Variants in GAS2L3 observed in about 807,000 individuals in gnomAD.
GAS2L3 encodes growth arrest specific 2 like 3.
A neutral mutation model predicts 37.0 loss-of-function variants in GAS2L3; 28 were observed. The ratio of observed to expected loss-of-function variants is 0.76; its 90% CI spans 0.56 to 1.04. GAS2L3 has a LOEUF of 1.04. Ranked by LOEUF, GAS2L3 falls within the 50% of genes least tolerant of loss-of-function variation. The pLI is 0.00. For missense variants in GAS2L3, 793 were observed against 817.6 expected, an observed-to-expected ratio of 0.97 and a Z score of 0.37; for synonymous variants, 290 against 296.6, an observed-to-expected ratio of 0.98 and a Z score of 0.23.
At chr12:100,589,910 C>T (rs985012094) in intron 1 of GAS2L3, among the ~76,000 whole-genome samples, 3 of 152,180 alleles carry the variant, frequency 2.0e-5, no homozygotes, top group Admixed American at 6.5e-5. Flanking sequence ...CAAAAATCAA[C>T]TCAAGATGGA....
At position 100,626,372 on chromosome 12, in the gene GAS2L3, T is replaced by C. The variant is rs1956332508; in HGVS notation, c.*1482T>C. ...AAGAGTACAGATAAAATCAAAGATGTGTGCAAGCTAGTTTTTGGAAGAAGT... is the reference window on the plus strand; with the variant it reads ...AAGAGTACAGATAAAATCAAAGATGCGTGCAAGCTAGTTTTTGGAAGAAGT... On this transcript the variant is annotated 3_prime_UTR_variant, in exon 10 of 10. Transcript: ENST00000547754. 1 of 152,236 alleles carries C rather than the reference T, an allele frequency of 6.6e-6. No individual in the cohort carries two copies. Among genetic ancestry groups the C allele is most frequent in the Non-Finnish European group, 1.5e-5 (1 of 68,026 alleles). 9.4% of individuals were successfully genotyped at this position (152,236 alleles called of 1,614,324 possible).
chr12:100,602,022 G>A (rs1295707758), intron 5 of GAS2L3, among the ~76,000 whole-genome samples: 1 of 152,104 alleles, frequency 6.6e-6, no homozygotes, highest in Non-Finnish European at 1.5e-5. Flanking sequence ...ATTTGTGAGA[G>A]TTCAATCAAA....
chr12:100,587,101 AAG>A (rs1201928546), intron 1 of GAS2L3, among the ~76,000 whole-genome samples: 1 of 152,194 alleles, frequency 6.6e-6, no homozygotes, highest in Admixed American at 6.5e-5. Flanking sequence ...ACCAACAAAA[AAG>A]AAGTCCAGGA....
chr12:100,623,883 A>G lies in GAS2L3; in HGVS notation c.1078A>G (p.Lys360Glu). ...PGALVPASSL[K>E]GGNLGSMSVR... ...TGCATTGGTGCCAGCATCTTCACTGAAAGGAGGTAATCTGGGCTCTATGTC... is the reference window on the plus strand; with the variant it reads ...TGCATTGGTGCCAGCATCTTCACTGGAAGGAGGTAATCTGGGCTCTATGTC... The change falls in exon 10 of 10, where the codon AAA becomes GAA. Residue 360 changes from lysine (K) to glutamate (E), a missense_variant. Transcript: ENST00000547754. 1 of 1,614,068 alleles carries G rather than the reference A, an allele frequency of 6.2e-7. No individual in the cohort carries two copies. Among genetic ancestry groups the G allele is most frequent in the Non-Finnish European group, 8.5e-7 (1 of 1,179,980 alleles).
intron 6 of GAS2L3, among the ~76,000 whole-genome samples, chr12:100,612,793 T>C (rs969449994): frequency 1.3e-5 from 2 of 152,084 alleles, no homozygotes; most frequent in African/African-American, 2.4e-5. Flanking sequence ...ATGTGATAAG[T>C]GCAGCAGTGT....
intron 5 of GAS2L3, among the ~76,000 whole-genome samples, chr12:100,607,267 G>A (rs1956068806): frequency 6.6e-6 from 1 of 152,126 alleles, no homozygotes; most frequent in South Asian, 2.1e-4. Context: ...TGGCCTGTAA[G>A]GTTTCCACTG....
chr12:100,583,749 A>G (rs1020316996), intron 1 of GAS2L3, among the ~76,000 whole-genome samples: 1 of 151,938 alleles, frequency 6.6e-6, no homozygotes. Flanking sequence ...GATTACAGGC[A>G]TTTGCCACCG....
intron 1 of GAS2L3, among the ~76,000 whole-genome samples, chr12:100,584,883 G>GTTT (rs34138123): frequency 2.2e-4 from 17 of 78,192 alleles, no homozygotes; most frequent in Non-Finnish European, 3.4e-4. Flanking sequence ...TACTTGAATG[G>GTTT]TTTTTTTTTT....
At chr12:100,595,826 A>G (rs1038107514) in intron 3 of GAS2L3, among the ~76,000 whole-genome samples, 1 of 152,014 alleles carries the variant, frequency 6.6e-6, no homozygotes, top group Non-Finnish European at 1.5e-5. Flanking sequence ...CTGCTAGAAT[A>G]TATATTGCCT....
rs1956343379 is a variant in GAS2L3 at position 100,627,480 on chromosome 12, G to T, written c.*2590G>T. The T allele has an allele frequency of 6.6e-6, 1 of 152,144 alleles. No homozygotes were observed. The highest frequency in any genetic ancestry group is 1.5e-5 in the Non-Finnish European group (1 of 68,048). The allele number at this position is 152,144 out of a possible 1,614,324, so 9.4% of individuals were successfully genotyped here. A position where few individuals can be genotyped will look rare whatever the true frequency, so the allele number is the denominator to read the frequency against. The stretch of plus-strand genomic sequence containing the variant: ...TCAGTAGAGATGGGGGTTTCACCAT[G>T]TCGGCCAGGCTGATCTCAAACTCCT... On this transcript the variant is annotated 3_prime_UTR_variant, in exon 10 of 10. Coordinates refer to ENST00000547754, the MANE Select transcript of GAS2L3 (RefSeq NM_174942.3).
At chr12:100,611,077 A>G (rs999509379) in intron 5 of GAS2L3, 1 of 150,380 alleles carries the variant, frequency 6.6e-6, no homozygotes, top group Non-Finnish European at 1.5e-5. Flanking sequence ...TCCTGGAACT[A>G]CTGGGCTCAA....
intron 3 of GAS2L3, among the ~76,000 whole-genome samples, chr12:100,599,728 C>G (rs1232269194): frequency 1.3e-5 from 2 of 152,196 alleles, no homozygotes; most frequent in African/African-American, 4.8e-5. Context: ...CCAGATGCTA[C>G]AAACATGTAT....
chr12:100,608,278 G>C (rs1194869147), intron 5 of GAS2L3, among the ~76,000 whole-genome samples: 1 of 152,054 alleles, frequency 6.6e-6, no homozygotes, highest in African/African-American at 2.4e-5. Flanking sequence ...CTGGGGATGG[G>C]GGGACACAAG....
chr12:100,616,044 A>G (rs1819623706), intron 6 of GAS2L3, among the ~76,000 whole-genome samples: 3 of 152,160 alleles, frequency 2.0e-5, no homozygotes. Context: ...TAATTTTGAT[A>G]AGGATTACAC....
rs568968694 is a variant in GAS2L3 at position 100,617,805 on chromosome 12, A to G, written c.507A>G (p.Ser169=). 7 of 1,572,788 alleles carry G rather than the reference A, an allele frequency of 4.5e-6. No homozygotes were observed. The East Asian group carries it at 1.1e-4, about 25-fold the overall frequency. The part of the protein sequence containing the change: ...LCLLEIGRIV[S]RYGVEPPVLV... ...TTCTTGAAATTGGTCGAATTGTGTC[A>G]AGGTATGTATTCCACAATATTTCAG... Residue 169 remains serine (S), a splice_region_variant and synonymous_variant, in exon 7 of 10, where the codon TCA becomes TCG. Coordinates refer to ENST00000547754, the MANE Select transcript of GAS2L3 (RefSeq NM_174942.3).
intron 3 of GAS2L3, among the ~76,000 whole-genome samples, chr12:100,599,874 T>A (rs891888218): frequency 6.6e-6 from 1 of 152,220 alleles, no homozygotes; most frequent in African/African-American, 2.4e-5. Context: ...GGCTCAATAG[T>A]AGAATCCATT....
chr12:100,574,361 A>G (rs1955609812), intron 1 of GAS2L3, among the ~76,000 whole-genome samples: 1 of 152,208 alleles, frequency 6.6e-6, no homozygotes, highest in Non-Finnish European at 1.5e-5. Context: ...TGCAGGGTCT[A>G]GAACGCCCAC....
chr12:100,624,943 A>G lies in GAS2L3; in HGVS notation c.*53A>G. 1.7e-5 allele frequency: 23 copies of G among 1,354,928 alleles called. No homozygotes were observed. Among genetic ancestry groups the G allele is most frequent in the Non-Finnish European group, 2.2e-5 (22 of 986,600 alleles). 83.9% of individuals were successfully genotyped at this position (1,354,928 alleles called of 1,614,324 possible). On this transcript the variant is annotated 3_prime_UTR_variant, in exon 10 of 10. Coordinates refer to ENST00000547754, the MANE Select transcript of GAS2L3 (RefSeq NM_174942.3). ...AAGGAAGAATGAATGTGTTAGCTTC[A>G]CATCTTAAAAGTTTCTCCTATTTGT...
At position 100,600,379 on chromosome 12, in the gene GAS2L3, TAGG is replaced by T. The variant is rs1330030560; in HGVS notation, c.19-2_19del. On this transcript the variant is annotated splice_acceptor_variant and coding_sequence_variant, in exon 4 of 10. Transcript: ENST00000547754. LOFTEE classifies it high-confidence loss of function. ...TCAGTTGATTGATTTTTTTTTTCTT[TAGG>T]TATGGTTTGGAGAAGATCTGCCTCT... 9 of 1,560,550 alleles carry T rather than the reference TAGG, an allele frequency of 5.8e-6. No individual in the cohort carries two copies. The highest frequency in any genetic ancestry group is 1.2e-5 in the South Asian group (1 of 84,186).
Sources: allele counts gnomAD v4.1 joint callset (sites outside exome capture counted in the v4.1 genomes callset), GRCh38; gene constraint gnomAD v4.1.1; transcripts MANE v1.5; gene names NCBI Gene and HGNC (gene_info 2026-07-23, HGNC 2026-07-21).